Variants in ABCC8 observed in about 807,000 individuals in gnomAD.
The protein encoded by ABCC8 is ATP-binding cassette sub-family C member 8.
A neutral mutation model predicts 188.0 loss-of-function variants in ABCC8; 137 were observed. That is an observed-to-expected ratio of 0.73 (90% CI 0.63 to 0.84). The LOEUF is 0.84. Ranked by LOEUF, ABCC8 falls within the 40% of genes least tolerant of loss-of-function variation. ABCC8 has a pLI of 0.00. For missense variants in ABCC8, 1,750 were observed against 2,072.7 expected (o/e 0.84, Z 3.02); for synonymous variants, 797 against 846.5 (o/e 0.94, Z 1.01).
At chr11:17,407,479 A>G (rs1200759918) in intron 23 of ABCC8, 26 bp from the exon 24 acceptor site, 1 of 1,614,076 alleles carries the variant, frequency 6.2e-7, no homozygotes, top group Non-Finnish European at 8.5e-7. Flanking sequence ...GGCCTGGGCA[A>G]TGTCTTCAGG....
intron 22 of ABCC8, 82 bp from the exon 23 acceptor site, chr11:17,408,599 T>C (rs1954652806): frequency 6.5e-7 from 1 of 1,543,358 alleles, no homozygotes; most frequent in Non-Finnish European, 8.7e-7. Flanking sequence ...GAGTCTAAGA[T>C]GGAGGTTGAC....
chr11:17,463,630 A>G, intron 3 of ABCC8, 26 bp from the exon 4 acceptor site: 1 of 1,559,630 alleles, frequency 6.4e-7, no homozygotes, highest in Non-Finnish European at 8.7e-7. Flanking sequence ...GGAAGATCGC[A>G]GAGACGTGTG....
At position 17,406,891 on chromosome 11, in the gene ABCC8, G is replaced by A. The variant is rs1374545314; in HGVS notation, c.3159C>T (p.Ser1053=). 6.2e-7 allele frequency: 1 copy of A among 1,614,004 alleles called. No homozygotes were observed. The highest frequency in any genetic ancestry group is 2.2e-5 in the East Asian group (1 of 44,900). ...LTPAARNCSL[S]QECTLDQTVY... ...TGCCATGGGCCGCCAGTCACACCTG[G>A]CTGAGGGAGCAGTTCCTGGCTGCAG... The change falls in exon 25 of 39, where the codon AGC becomes AGT. Residue 1053 remains serine, a synonymous_variant. Coordinates refer to ENST00000389817, the MANE Select transcript of ABCC8 (RefSeq NM_000352.6).
chr11:17,460,344 G>T, intron 6 of ABCC8, 144 bp downstream of exon 6: 1 of 1,289,016 alleles, frequency 7.8e-7, no homozygotes. Context: ...AGTATTCTGT[G>T]GTGGGGATAC....
chr11:17,453,788 T>C (rs996458840), intron 6 of ABCC8, among the ~76,000 whole-genome samples: 1 of 152,080 alleles, frequency 6.6e-6, no homozygotes, highest in African/African-American at 2.4e-5. Flanking sequence ...CAGGAGAGAA[T>C]GAGAGCTCAT....
chr11:17,413,687 A>G (rs928391449), intron 19 of ABCC8: 5 of 945,776 alleles, frequency 5.3e-6, no homozygotes, highest in Non-Finnish European at 7.9e-6. Flanking sequence ...GTTAAATACT[A>G]GAAGGATGGA....
At position 17,431,068 on chromosome 11, in the gene ABCC8, C is replaced by T. The variant is rs1222792094; in HGVS notation, c.1672-109G>A. On this transcript the variant is annotated intron_variant, in intron 11 of 38. Transcript: ENST00000389817. ...AATGAGAGGGCTGTCAGGGAGCAGG[C>T]TCCTAAGAGGATCTTTTAGTTGGAG... 5 of 1,520,566 alleles carry T rather than the reference C, an allele frequency of 3.3e-6. No homozygotes were observed. The African/African-American group carries it at 6.9e-5, about 21-fold the overall frequency. 94.2% of individuals were successfully genotyped at this position (1,520,566 alleles called of 1,614,324 possible). A position where few individuals can be genotyped will look rare whatever the true frequency, so the allele number is the denominator to read the frequency against.
intron 4 of ABCC8, among the ~76,000 whole-genome samples, chr11:17,462,198 C>T (rs148189603): frequency 0.011 from 1,719 of 152,266 alleles, 12 homozygotes; most frequent in Non-Finnish European, 0.018. Flanking sequence ...GGTTTTGAAT[C>T]CTGCCTCCTC....
At chr11:17,476,104 C>A (rs1027033081) in intron 1 of ABCC8, among the ~76,000 whole-genome samples, 3 of 152,204 alleles carry the variant, frequency 2.0e-5, no homozygotes, top group Non-Finnish European at 4.4e-5. Flanking sequence ...AGGGCGCGGG[C>A]CTGGGACTGT....
rs1333391607 is a variant in ABCC8, at chr11:17,412,664, A to C, written c.2556+2T>G. 6.2e-7 allele frequency: 1 copy of C among 1,610,722 alleles called. No individual in the cohort carries two copies. The highest frequency in any genetic ancestry group is 1.1e-5 in the South Asian group (1 of 90,136). ...CAGGACCCCAAGGGAACTTGCACTC[A>C]CCAAGAAGACAACGTTGGCGTGCTG... On this transcript the variant is annotated splice_donor_variant, in intron 21 of 38. Transcript: ENST00000389817. LOFTEE classifies it high-confidence loss of function.
intron 21 of ABCC8, among the ~76,000 whole-genome samples, chr11:17,412,082 C>G (rs554457285): frequency 6.6e-6 from 1 of 151,852 alleles, no homozygotes; most frequent in Non-Finnish European, 1.5e-5. Context: ...TTAGTAGAGA[C>G]GGGGTTTCAC....
At chr11:17,406,424 A>C (rs1954526416) in intron 26 of ABCC8, 198 bp downstream of exon 26, 2 of 615,518 alleles carry the variant, frequency 3.2e-6, no homozygotes, top group South Asian at 4.0e-5. Context: ...CACAATGCCT[A>C]TCACAGTATC....
Position 17,395,399 on chromosome 11 carries a change from G to A in ABCC8, c.4308-124C>T, listed in dbSNP as rs186110389. On this transcript the variant is annotated intron_variant, in intron 35 of 38. Coordinates refer to ENST00000389817, the MANE Select transcript of ABCC8 (RefSeq NM_000352.6). ...AGGTCTGGCTGGGAGAAGCACCGAGGTGGTGGCAGTGGGTGGGGGACAGCA... is the reference window on the plus strand; with the variant it reads ...AGGTCTGGCTGGGAGAAGCACCGAGATGGTGGCAGTGGGTGGGGGACAGCA... The A allele has an allele frequency of 2.0e-3, 3,036 of 1,524,812 alleles. 8 individuals are homozygous for A. Among genetic ancestry groups the A allele is most frequent in the Non-Finnish European group, 2.5e-3 (2,820 of 1,136,096 alleles). 94.5% of individuals were successfully genotyped at this position (1,524,812 alleles called of 1,614,324 possible).
intron 20 of ABCC8, 182 bp from the exon 21 acceptor site, chr11:17,412,928 G>A: frequency 2.2e-6 from 3 of 1,338,842 alleles, no homozygotes; most frequent in Non-Finnish European, 3.0e-6. Flanking sequence ...GAAGAGGGCA[G>A]CATGAGCCCC....
intron 3 of ABCC8, among the ~76,000 whole-genome samples, chr11:17,469,192 A>G (rs1848343566): frequency 6.6e-6 from 1 of 151,866 alleles, no homozygotes; most frequent in Admixed American, 6.6e-5. Context: ...CCTGGGTTCA[A>G]GAGATTTGAC....
rs1955605641 is a variant in ABCC8 at position 17,426,942 on chromosome 11, A to T, written c.2222+107T>A. ...CATTAGCAGCATTTATTGAGTCCTCACTGAACACAGAGTGGGCCCTCCAAT... is the reference window on the plus strand; with the variant it reads ...CATTAGCAGCATTTATTGAGTCCTCTCTGAACACAGAGTGGGCCCTCCAAT... On this transcript the variant is annotated intron_variant, in intron 16 of 38. Transcript: ENST00000389817. The T allele has an allele frequency of 6.9e-6, 9 of 1,303,948 alleles. No homozygotes were observed. In the East Asian group the frequency reaches 2.2e-4, roughly 33 times the overall value. The allele number at this position is 1,303,948 out of a possible 1,614,324, so 80.8% of individuals were successfully genotyped here. A position where few individuals can be genotyped will look rare whatever the true frequency, so the allele number is the denominator to read the frequency against.
intron 29 of ABCC8, among the ~76,000 whole-genome samples, chr11:17,400,541 C>G (rs1168178940): frequency 6.6e-6 from 1 of 152,106 alleles, no homozygotes; most frequent in Non-Finnish European, 1.5e-5. Flanking sequence ...AGGACTGAGA[C>G]TCAGTTTTCT....
intron 3 of ABCC8, among the ~76,000 whole-genome samples, chr11:17,466,454 G>C (rs1390635343): frequency 6.7e-6 from 1 of 150,218 alleles, no homozygotes; most frequent in African/African-American, 2.5e-5. Flanking sequence ...GAGGTACCTA[G>C]AGTGCTCAAA....
intron 10 of ABCC8, among the ~76,000 whole-genome samples, chr11:17,442,063 G>C (rs1020396690): frequency 3.3e-5 from 5 of 152,142 alleles, no homozygotes; most frequent in Non-Finnish European, 7.3e-5. Context: ...CTGGGTGACA[G>C]AGCGAGACTC....
Sources: allele counts gnomAD v4.1 joint callset (sites outside exome capture counted in the v4.1 genomes callset), GRCh38; gene constraint gnomAD v4.1.1; transcripts MANE v1.5; gene names NCBI Gene and HGNC (gene_info 2026-07-23, HGNC 2026-07-21).